Variants in PTPRD observed in about 807,000 individuals in gnomAD.
PTPRD encodes receptor-type tyrosine-protein phosphatase delta.
A neutral mutation model predicts 214.5 loss-of-function variants in PTPRD; 34 were observed. The observed-to-expected ratio is 0.16, with a 90% confidence interval of 0.12 to 0.21. The LOEUF is 0.21. PTPRD is among the 10% of genes least tolerant of loss of function. The probability of loss-of-function intolerance (pLI) is 1.00; values close to 1 mark genes in which losing one functional copy is unlikely to be tolerated. For missense variants in PTPRD, 2,545 were observed against 2,398.7 expected, an observed-to-expected ratio of 1.06 and a Z score of -1.27; for synonymous variants, 1,128 against 845.7, an observed-to-expected ratio of 1.33 and a Z score of -5.79.
chr9:9,641,964 A>C lies in PTPRD; in HGVS notation c.-286-67183T>G, dbSNP rs184738076. Among the ~76,000 whole-genome samples the C allele has an allele frequency of 1.8e-3, 276 of 152,062 alleles. 2 individuals are homozygous for C. Among genetic ancestry groups the C allele is most frequent in the Non-Finnish European group, 3.1e-3 (211 of 67,996 alleles). ...CATGCTGCTATAAAGACACATGCACACGTATGTTTATTGCGGCATTATTCA... is the reference window on the plus strand; with the variant it reads ...CATGCTGCTATAAAGACACATGCACCCGTATGTTTATTGCGGCATTATTCA... On this transcript the variant is annotated intron_variant, in intron 7 of 45. Coordinates refer to ENST00000381196, the MANE Select transcript of PTPRD (RefSeq NM_002839.4).
chr9:9,531,547 T>C (rs1569569049), intron 8 of PTPRD, among the ~76,000 whole-genome samples: 1 of 152,166 alleles, frequency 6.6e-6, no homozygotes, highest in Non-Finnish European at 1.5e-5. Flanking sequence ...TCTTACAGAA[T>C]TATTGTAATG....
chr9:8,337,681 A>C (rs1445844698), intron 43 of PTPRD, among the ~76,000 whole-genome samples: 3 of 152,094 alleles, frequency 2.0e-5, no homozygotes, highest in East Asian at 1.9e-4. Flanking sequence ...AAGGTGAGCA[A>C]CTTCCGGTTT....
intron 8 of PTPRD, among the ~76,000 whole-genome samples, chr9:9,470,738 G>C (rs918106690): frequency 6.6e-6 from 1 of 152,144 alleles, no homozygotes; most frequent in African/African-American, 2.4e-5. Context: ...TCAGGGGATA[G>C]GAATTGGAAA....
chr9:10,174,663 T>C (rs2099235376), intron 3 of PTPRD, among the ~76,000 whole-genome samples: 1 of 151,884 alleles, frequency 6.6e-6, no homozygotes, highest in African/African-American at 2.4e-5. Flanking sequence ...TGTATGTATT[T>C]CCCCAAAAAA....
At chr9:10,568,194 C>T (rs1238443457) in intron 2 of PTPRD, among the ~76,000 whole-genome samples, 1 of 150,066 alleles carries the variant, frequency 6.7e-6, no homozygotes, top group Non-Finnish European at 1.5e-5. Flanking sequence ...TCAATTCCCA[C>T]CTATGAGTGA....
chr9:10,035,722 C>G (rs1324476281), intron 3 of PTPRD, among the ~76,000 whole-genome samples: 5 of 151,956 alleles, frequency 3.3e-5, no homozygotes, highest in Non-Finnish European at 7.4e-5. Context: ...TCCATTTCCC[C>G]CAACCCAAAT....
At chr9:9,184,777 C>T (rs1420374979) in intron 9 of PTPRD, among the ~76,000 whole-genome samples, 2 of 152,016 alleles carry the variant, frequency 1.3e-5, no homozygotes, top group Non-Finnish European at 2.9e-5. Flanking sequence ...ATAGCATATA[C>T]TTACCATCCC....
intron 9 of PTPRD, among the ~76,000 whole-genome samples, chr9:9,302,608 T>TC (rs992453501): frequency 8.4e-6 from 1 of 119,712 alleles, no homozygotes; most frequent in Non-Finnish European, 1.8e-5. Context: ...TTTCTTTTTT[T>TC]TTTTTTTTTG....
intron 14 of PTPRD, among the ~76,000 whole-genome samples, chr9:8,616,630 T>A (rs148146320): frequency 1.2e-4 from 18 of 152,082 alleles, no homozygotes; most frequent in African/African-American, 4.1e-4. Flanking sequence ...CAAAAAAAGA[T>A]TGTGGTTTTT....
chr9:10,347,522 T>A (rs1366833204), intron 2 of PTPRD, among the ~76,000 whole-genome samples: 1 of 150,162 alleles, frequency 6.7e-6, no homozygotes, highest in East Asian at 2.0e-4. Context: ...GCAATTCTCC[T>A]GCCTCAGCCT....
intron 3 of PTPRD, among the ~76,000 whole-genome samples, chr9:10,131,293 T>C (rs190464775): frequency 2.2e-4 from 34 of 152,272 alleles, no homozygotes; most frequent in South Asian, 2.1e-3. Context: ...AGACACTAGA[T>C]ACCATAGTGT....
At chr9:10,510,710 A>C (rs1010724083) in intron 2 of PTPRD, among the ~76,000 whole-genome samples, 1 of 152,148 alleles carries the variant, frequency 6.6e-6, no homozygotes, top group East Asian at 1.9e-4. Context: ...TTTGTGTTGG[A>C]AACATTCCAA....
At chr9:10,214,826 T>C (rs1376108659) in intron 3 of PTPRD, among the ~76,000 whole-genome samples, 1 of 152,072 alleles carries the variant, frequency 6.6e-6, no homozygotes, top group Non-Finnish European at 1.5e-5. Context: ...ACTGAGTCTT[T>C]TACTCTTGGG....
chr9:9,101,070 A>C (rs967333336), intron 10 of PTPRD, among the ~76,000 whole-genome samples: 3 of 148,620 alleles, frequency 2.0e-5, no homozygotes, highest in Non-Finnish European at 4.5e-5. Context: ...AGATGTAAAT[A>C]TGAAATCTGA....
chr9:8,537,050 A>C (rs1593082495), intron 14 of PTPRD, among the ~76,000 whole-genome samples: 3 of 152,180 alleles, frequency 2.0e-5, no homozygotes, highest in Admixed American at 2.0e-4. Flanking sequence ...AAACAGTGTA[A>C]ATAAAGCTTT....
chr9:10,274,659 T>G (rs2094583778), intron 3 of PTPRD, among the ~76,000 whole-genome samples: 1 of 152,190 alleles, frequency 6.6e-6, no homozygotes. Flanking sequence ...TCTAGTAGCT[T>G]AAGGAATAAT....
At chr9:8,797,719 T>C (rs2096472475) in intron 11 of PTPRD, among the ~76,000 whole-genome samples, 1 of 152,236 alleles carries the variant, frequency 6.6e-6, no homozygotes, top group South Asian at 2.1e-4. Context: ...TATCCCACTA[T>C]GCTTTGTATT....
intron 2 of PTPRD, among the ~76,000 whole-genome samples, chr9:10,526,405 A>G (rs573796330): frequency 4.6e-4 from 70 of 152,242 alleles, no homozygotes; most frequent in African/African-American, 1.5e-3. Flanking sequence ...AACATGTTAT[A>G]ATTACTGAAA....
chr9:9,230,794 C>T (rs750154032), intron 9 of PTPRD, among the ~76,000 whole-genome samples: 3 of 152,098 alleles, frequency 2.0e-5, no homozygotes, highest in Non-Finnish European at 4.4e-5. Context: ...GAGGATAAAT[C>T]TGTATCTTTT....
Sources: allele counts gnomAD v4.1 joint callset (sites outside exome capture counted in the v4.1 genomes callset), GRCh38; gene constraint gnomAD v4.1.1; transcripts MANE v1.5; gene names NCBI Gene and HGNC (gene_info 2026-07-23, HGNC 2026-07-21).